The following RSU1 variants were observed in gnomAD, a reference collection of about 807,000 sequenced individuals.
The protein encoded by RSU1 is rsu-1.
Under a neutral mutation model 31.1 loss-of-function variants are expected in RSU1, and 26 were observed. The ratio of observed to expected loss-of-function variants is 0.84; its 90% confidence interval spans 0.61 to 1.16. The LOEUF is 1.16. Ranked by LOEUF, RSU1 falls within the 50% of genes most tolerant of loss-of-function variation. The probability of loss-of-function intolerance (pLI) is 0.00; values close to 1 mark genes in which losing one functional copy is unlikely to be tolerated. For missense variants in RSU1, 320 were observed against 339.1 expected, an observed-to-expected ratio of 0.94 and a Z score of 0.44; for synonymous variants, 164 against 136.3, an observed-to-expected ratio of 1.20 and a Z score of -1.41.
At chr10:16,725,043 C>A (rs1836357316) in intron 7 of RSU1, among the ~76,000 whole-genome samples, 1 of 152,182 alleles carries the variant, frequency 6.6e-6, no homozygotes, top group Admixed American at 6.5e-5. Flanking sequence ...GAAAGGAGAT[C>A]AGAGGAAACT....
chr10:16,710,454 T>G (rs928038828), intron 7 of RSU1, among the ~76,000 whole-genome samples: 8 of 152,206 alleles, frequency 5.3e-5, no homozygotes. Context: ...TACAGATACT[T>G]ACCTGTAGTT....
chr10:16,805,521 A>C (rs1393020849), intron 2 of RSU1, among the ~76,000 whole-genome samples: 2 of 150,666 alleles, frequency 1.3e-5, no homozygotes, highest in Non-Finnish European at 3.0e-5. Flanking sequence ...AATACAAAAA[A>C]AAAAGTTAGC....
intron 3 of RSU1, among the ~76,000 whole-genome samples, chr10:16,781,497 G>A (rs1390746119): frequency 6.6e-6 from 1 of 152,180 alleles, no homozygotes; most frequent in Non-Finnish European, 1.5e-5. Context: ...TCCCTTTCGA[G>A]GAGGAAATAT....
chr10:16,659,301 C>CTTTTT (rs869035739), intron 8 of RSU1, among the ~76,000 whole-genome samples: 4 of 100,786 alleles, frequency 4.0e-5, no homozygotes, highest in East Asian at 3.2e-4. Flanking sequence ...AGGTTATATT[C>CTTTTT]TTTTTTTTTT....
chr10:16,791,246 C>T (rs535790273), intron 2 of RSU1, among the ~76,000 whole-genome samples: 10 of 151,954 alleles, frequency 6.6e-5, no homozygotes, highest in Admixed American at 3.9e-4. Flanking sequence ...AGGCTGGTCT[C>T]GAACTCCTGA....
chr10:16,786,125 A>T (rs1837787106), intron 2 of RSU1, among the ~76,000 whole-genome samples: 1 of 152,184 alleles, frequency 6.6e-6, no homozygotes, highest in Non-Finnish European at 1.5e-5. Context: ...GAAGCCAGGG[A>T]TGCTGACACA....
intron 8 of RSU1, among the ~76,000 whole-genome samples, chr10:16,605,153 G>A (rs1204344358): frequency 1.3e-5 from 2 of 152,150 alleles, no homozygotes; most frequent in Non-Finnish European, 2.9e-5. Flanking sequence ...TGTGTTCCTT[G>A]TAATCAAAGC....
At chr10:16,606,353 G>C (rs1833804351) in intron 8 of RSU1, among the ~76,000 whole-genome samples, 1 of 152,038 alleles carries the variant, frequency 6.6e-6, no homozygotes, top group Non-Finnish European at 1.5e-5. Flanking sequence ...GCCCAGGTTA[G>C]TGTCAAACTT....
intron 5 of RSU1, among the ~76,000 whole-genome samples, chr10:16,754,061 C>T (rs762440152): frequency 6.6e-6 from 1 of 152,042 alleles, no homozygotes; most frequent in Non-Finnish European, 1.5e-5. Flanking sequence ...AATAGTTGCT[C>T]CACTGCCCAA....
At chr10:16,676,332 C>T (rs1288273197) in intron 8 of RSU1, among the ~76,000 whole-genome samples, 1 of 152,200 alleles carries the variant, frequency 6.6e-6, no homozygotes. Context: ...AGCAAAGGCA[C>T]ATCTTACATG....
chr10:16,711,503 C>A (rs959807163), intron 7 of RSU1, among the ~76,000 whole-genome samples: 3 of 152,094 alleles, frequency 2.0e-5, no homozygotes, highest in African/African-American at 7.2e-5. Flanking sequence ...AATCTCTCTT[C>A]TTTTCTAATG....
chr10:16,693,522 T>A (rs1835607983), intron 8 of RSU1, among the ~76,000 whole-genome samples: 1 of 152,152 alleles, frequency 6.6e-6, no homozygotes, highest in South Asian at 2.1e-4. Context: ...ATGTGACCTT[T>A]AGCAATCTTC....
intron 7 of RSU1, among the ~76,000 whole-genome samples, chr10:16,699,574 C>T (rs569296167): frequency 5.9e-5 from 9 of 152,334 alleles, no homozygotes; most frequent in South Asian, 2.1e-4. Context: ...CGCTTCAGTG[C>T]GTTGAGTTAG....
At chr10:16,601,997 A>G (rs1427708432) in intron 8 of RSU1, among the ~76,000 whole-genome samples, 2 of 152,150 alleles carry the variant, frequency 1.3e-5, no homozygotes, top group Non-Finnish European at 2.9e-5. Context: ...GGCTCACTCA[A>G]TCTGAGGCCT....
intron 7 of RSU1, chr10:16,726,961 T>G: frequency 2.3e-6 from 1 of 427,830 alleles, no homozygotes; most frequent in Non-Finnish European, 4.7e-6. Context: ...CAGATTCTGA[T>G]GACTAAACTT....
At chr10:16,702,486 G>A (rs1052152646) in intron 7 of RSU1, among the ~76,000 whole-genome samples, 1 of 152,210 alleles carries the variant, frequency 6.6e-6, no homozygotes, top group Non-Finnish European at 1.5e-5. Context: ...GCTTTGGAAG[G>A]CCATCTCTTG....
At chr10:16,641,302 C>A (rs1283250733) in intron 8 of RSU1, among the ~76,000 whole-genome samples, 1 of 152,016 alleles carries the variant, frequency 6.6e-6, no homozygotes, top group African/African-American at 2.4e-5. Flanking sequence ...TTCAGCCTGG[C>A]CAACATGGTG....
At chr10:16,702,699 A>T (rs1196379172) in intron 7 of RSU1, among the ~76,000 whole-genome samples, 1 of 152,102 alleles carries the variant, frequency 6.6e-6, no homozygotes, top group Non-Finnish European at 1.5e-5. Flanking sequence ...CTTATTTTTT[A>T]TTTTATAGGT....
chr10:16,698,958 A>G (rs1835734175), intron 7 of RSU1, among the ~76,000 whole-genome samples: 1 of 152,186 alleles, frequency 6.6e-6, no homozygotes, highest in Non-Finnish European at 1.5e-5. Flanking sequence ...TAAATCCCCA[A>G]GTGCTTCCTA....
Sources: allele counts gnomAD v4.1 joint callset (sites outside exome capture counted in the v4.1 genomes callset), GRCh38; gene constraint gnomAD v4.1.1; transcripts MANE v1.5; gene names NCBI Gene and HGNC (gene_info 2026-07-23, HGNC 2026-07-21).